The following DAB1 variants were observed in gnomAD, a reference collection of about 807,000 sequenced individuals.
DAB1 encodes the protein DAB adaptor protein 1.
In DAB1, 15 loss-of-function variants were observed where a neutral mutation model predicts 64.6. The observed-to-expected ratio is 0.23, with a 90% CI of 0.16 to 0.36. DAB1 has a LOEUF of 0.36. DAB1 is among the 10% of genes least tolerant of loss of function. The pLI is 1.00. For synonymous variants in DAB1, 235 were observed against 251.9 expected (o/e 0.93, Z 0.64); for missense variants, 596 against 706.7 (o/e 0.84, Z 1.78).
chr1:58,482,209 A>G (rs1378725733), intron 3 of DAB1, among the ~76,000 whole-genome samples: 2 of 152,224 alleles, frequency 1.3e-5, no homozygotes, highest in African/African-American at 4.8e-5. Context: ...GACACTGGAA[A>G]GAGAGGGCTT....
At chr1:57,316,223 C>T (rs951509476) in intron 1 of DAB1, among the ~76,000 whole-genome samples, 1 of 152,142 alleles carries the variant, frequency 6.6e-6, no homozygotes, top group African/African-American at 2.4e-5. Flanking sequence ...TGTACATAAT[C>T]CAATTTACTG....
chr1:57,730,787 T>C (rs187265655), intron 6 of DAB1, among the ~76,000 whole-genome samples: 2 of 152,360 alleles, frequency 1.3e-5, no homozygotes, highest in Admixed American at 6.5e-5. Context: ...AATTTCACAC[T>C]GATTCAGATG....
chr1:57,316,703 G>A lies in DAB1; in HGVS notation c.-136-25537C>T, dbSNP rs140066354. On this transcript the variant is annotated intron_variant, in intron 1 of 14. Transcript: ENST00000371236. Reference sequence around the variant, plus strand: ...TGGCCAAAGTAAAGTTGTTCAGTGAGAACCATTTAGGCCAATCCTAGTTTC... The same window carrying A: ...TGGCCAAAGTAAAGTTGTTCAGTGAAAACCATTTAGGCCAATCCTAGTTTC... Among the ~76,000 whole-genome samples the A allele has an allele frequency of 2.4e-3, 360 of 152,306 alleles. 4 individuals are homozygous for A. The highest frequency in any genetic ancestry group is 4.0e-3 in the Non-Finnish European group (269 of 68,024).
chr1:57,603,216 G>T (rs1049672654), intron 7 of DAB1, among the ~76,000 whole-genome samples: 11 of 152,042 alleles, frequency 7.2e-5, no homozygotes, highest in Non-Finnish European at 1.0e-4. Flanking sequence ...TAGGTGATCC[G>T]CCTGCCTCAG....
intron 4 of DAB1, among the ~76,000 whole-genome samples, chr1:58,187,387 G>A (rs1657137252): frequency 6.6e-6 from 1 of 151,166 alleles, no homozygotes; most frequent in African/African-American, 2.4e-5. Flanking sequence ...TGAAGTGGGA[G>A]GATTACTTGA....
intron 2 of DAB1, among the ~76,000 whole-genome samples, chr1:57,258,249 G>A (rs1669913165): frequency 6.6e-6 from 1 of 152,164 alleles, no homozygotes; most frequent in Non-Finnish European, 1.5e-5. Flanking sequence ...TGTTACAGCA[G>A]AGGAAACTGG....
chr1:57,797,671 A>G (rs956521498), intron 6 of DAB1, among the ~76,000 whole-genome samples: 1 of 152,232 alleles, frequency 6.6e-6, no homozygotes, highest in Non-Finnish European at 1.5e-5. Flanking sequence ...GTTAATGCTT[A>G]CAAGCTGTAG....
intron 5 of DAB1, among the ~76,000 whole-genome samples, chr1:58,127,053 G>C (rs536660312): frequency 4.4e-4 from 66 of 150,796 alleles, no homozygotes; most frequent in African/African-American, 1.1e-3. Context: ...CACAATGGTT[G>C]AACTAGTTTA....
chr1:57,382,059 G>A (rs1166197488), intron 1 of DAB1, among the ~76,000 whole-genome samples: 2 of 152,166 alleles, frequency 1.3e-5, no homozygotes, highest in African/African-American at 2.4e-5. Flanking sequence ...TGCTAATTAA[G>A]TCTCTAAATT....
rs115559010 is a variant in DAB1 at position 57,696,630 on chromosome 1, A to G, written n.552-46965T>C. ...AATACCTCAAACGGGGGCTCTGGGC[A>G]GAGCTCAGTTGGTATTTGTCTAATT... On this transcript the variant is annotated intron_variant and non_coding_transcript_variant, in intron 6 of 20. Coordinates refer to the DAB1 transcript ENST00000485760. Among the ~76,000 whole-genome samples the G allele has an allele frequency of 9.5e-3, 1,452 of 152,284 alleles. 35 individuals are homozygous for G. The highest frequency in any genetic ancestry group is 0.033 in the African/African-American group (1,387 of 41,564).
chr1:57,947,357 C>T (rs1645199303), intron 5 of DAB1, among the ~76,000 whole-genome samples: 1 of 152,144 alleles, frequency 6.6e-6, no homozygotes. Context: ...TCCTGACCAC[C>T]ACCCAGCAAC....
intron 2 of DAB1, among the ~76,000 whole-genome samples, chr1:58,525,445 C>T (rs1646334689): frequency 6.6e-6 from 1 of 152,042 alleles, no homozygotes; most frequent in Non-Finnish European, 1.5e-5. Context: ...TTTTTATATA[C>T]AAGCAATTTA....
chr1:57,632,432 C>G (rs1324952000), intron 7 of DAB1, among the ~76,000 whole-genome samples: 1 of 152,134 alleles, frequency 6.6e-6, no homozygotes, highest in Non-Finnish European at 1.5e-5. Context: ...GTGTCAGTAT[C>G]AGTACTCTAT....
At chr1:57,878,496 G>C (rs1434259145) in intron 1 of DAB1, 1 of 152,130 alleles carries the variant, frequency 6.6e-6, no homozygotes. Context: ...AATGGGAACT[G>C]AGCTTAATCA....
At chr1:58,226,252 G>C (rs1176657604) in intron 4 of DAB1, among the ~76,000 whole-genome samples, 1 of 152,152 alleles carries the variant, frequency 6.6e-6, no homozygotes, top group African/African-American at 2.4e-5. Flanking sequence ...ATATTGGTTG[G>C]CTGATTATAT....
intron 4 of DAB1, among the ~76,000 whole-genome samples, chr1:58,179,843 A>G (rs1279862666): frequency 4.6e-5 from 7 of 151,832 alleles, no homozygotes. Flanking sequence ...TTTCCACTCT[A>G]ATTTGTATTA....
intron 5 of DAB1, among the ~76,000 whole-genome samples, chr1:58,021,812 G>A (rs1019315060): frequency 7.9e-5 from 12 of 152,174 alleles, no homozygotes; most frequent in African/African-American, 2.7e-4. Context: ...AAGGGCAACC[G>A]GGAATGATCT....
rs1186479499 is a variant in DAB1 at position 57,069,416 on chromosome 1, A to G, written c.607T>C (p.Phe203Leu). The change falls in exon 8 of 15, where the codon TTT becomes CTT. Residue 203 changes from phenylalanine (F) to leucine (L), a missense_variant. Around this residue, in one of 3 missense-constraint regions of DAB1, gnomAD observed 176 missense variants for 266.7 expected, o/e 0.66. Coordinates refer to ENST00000371236, the MANE Select transcript of DAB1 (RefSeq NM_001365792.1). ...VEDPVYQYIV[F>L]EAGHEPIRDP... is the part of the protein sequence containing the mutation. The stretch of plus-strand genomic sequence containing the variant: ...CGGATTGGCTCGTGTCCAGCCTCAA[A>G]CACAATGTACTATTACAGGAGCAGC... 1 of 1,613,318 alleles carries G rather than the reference A, an allele frequency of 6.2e-7. No individual in the cohort carries two copies. The highest frequency in any genetic ancestry group is 1.1e-5 in the South Asian group (1 of 91,070).
intron 9 of DAB1, among the ~76,000 whole-genome samples, chr1:57,053,668 A>G (rs201832689): frequency 3.5e-4 from 27 of 77,842 alleles, no homozygotes; most frequent in South Asian, 4.8e-4. Flanking sequence ...CTCTATATGT[A>G]TATATATATA....
Sources: gnomAD v4.1 joint callset for allele counts (sites outside exome capture counted in the v4.1 genomes callset) on GRCh38, gnomAD v4.1.1 for gene constraint, gnomAD v4.1.1 regional missense constraint, MANE v1.5 for transcripts, NCBI Gene and HGNC (gene_info 2026-07-23, HGNC 2026-07-21) for gene names.